Variants in LMO7 observed in about 807,000 individuals in gnomAD.
The protein encoded by LMO7 is LIM domain 7.
A neutral mutation model predicts 206.5 loss-of-function variants in LMO7; 120 were observed. That is an observed-to-expected ratio of 0.58 (90% CI 0.50 to 0.68). LMO7 has a LOEUF of 0.68. LMO7 is among the 30% of genes least tolerant of loss of function. The pLI, the probability that LMO7 is intolerant of heterozygous loss-of-function variation, is 0.00. For synonymous variants in LMO7, 706 were observed against 681.5 expected, an observed-to-expected ratio of 1.04 and a Z score of -0.56; for missense variants, 1,959 against 1,957.9, an observed-to-expected ratio of 1.00 and a Z score of -0.01.
At chr13:75,796,066 G>A (rs1347986230) in intron 5 of LMO7, among the ~76,000 whole-genome samples, 3 of 152,148 alleles carry the variant, frequency 2.0e-5, no homozygotes, top group South Asian at 2.1e-4. Flanking sequence ...TACGCTAAAG[G>A]CAAGTAAACA....
At chr13:75,692,011 AC>A (rs754659996) in intron 1 of LMO7, among the ~76,000 whole-genome samples, 6 of 152,014 alleles carry the variant, frequency 3.9e-5, no homozygotes, top group Non-Finnish European at 7.4e-5. Flanking sequence ...GGGAGGCTTC[AC>A]CTTTGCATTA....
In LMO7 at chr13:75,838,140, C is replaced by T; in HGVS notation, c.3395C>T (p.Ala1132Val). Residue 1132 changes from alanine to valine, a missense_variant and splice_region_variant, in exon 20 of 31, where the codon GCA becomes GTA. Coordinates refer to ENST00000377534, the MANE Select transcript of LMO7 (RefSeq NM_001306080.2). ...HDESNAFESK[A>V]SESISLKNLK... Reference sequence around the variant, plus strand: ...TAGTGTTTATTTTTTTTTCAACTAGCATCTGAATCCATTTCTTTGAAAAAC... The same window carrying T: ...TAGTGTTTATTTTTTTTTCAACTAGTATCTGAATCCATTTCTTTGAAAAAC... 3.8e-6 allele frequency: 6 copies of T among 1,561,574 alleles called. No individual in the cohort carries two copies. Among genetic ancestry groups the T allele is most frequent in the Non-Finnish European group, 5.3e-6 (6 of 1,133,572 alleles).
chr13:75,848,445 A>ATCTG (rs1566612272), intron 26 of LMO7, among the ~76,000 whole-genome samples: 1 of 151,730 alleles, frequency 6.6e-6, no homozygotes, highest in East Asian at 1.9e-4. Context: ...CTATCTATCT[A>ATCTG]TCTATCTATC....
intron 14 of LMO7, 107 bp downstream of exon 14, chr13:75,821,716 A>G: frequency 1.5e-6 from 1 of 666,856 alleles, no homozygotes; most frequent in Non-Finnish European, 2.6e-6. Context: ...TGTACATAAC[A>G]TATATAAGGA....
intron 15 of LMO7, among the ~76,000 whole-genome samples, chr13:75,825,584 T>G (rs957283652): frequency 3.9e-5 from 6 of 152,206 alleles, no homozygotes; most frequent in African/African-American, 1.4e-4. Flanking sequence ...CAAGAAAAAT[T>G]AGGCTTGATT....
At chr13:75,841,315 G>A (rs778220381) in intron 23 of LMO7, 114 bp downstream of exon 23, 2 of 686,004 alleles carry the variant, frequency 2.9e-6, no homozygotes, top group African/African-American at 1.8e-5. Flanking sequence ...GTTCACCTGT[G>A]TAGCTCTTTG....
chr13:75,763,850 C>A (rs140810474), intron 4 of LMO7, among the ~76,000 whole-genome samples: 275 of 152,230 alleles, frequency 1.8e-3, no homozygotes, highest in Non-Finnish European at 3.4e-3. Flanking sequence ...ATAGCAGAAG[C>A]AAGTAAAGAG....
intron 1 of LMO7, among the ~76,000 whole-genome samples, chr13:75,659,048 C>T (rs2038325997): frequency 2.8e-5 from 1 of 35,416 alleles, no homozygotes; most frequent in South Asian, 9.3e-4. Context: ...TTTCCTTCCA[C>T]TCATTATTTT....
intron 4 of LMO7, among the ~76,000 whole-genome samples, chr13:75,764,219 C>T (rs976190446): frequency 2.6e-5 from 4 of 150,944 alleles, no homozygotes; most frequent in African/African-American, 9.8e-5. Flanking sequence ...ATGATTTAGT[C>T]TCCATGAATG....
intron 1 of LMO7, among the ~76,000 whole-genome samples, chr13:75,674,207 A>G (rs2039829292): frequency 6.6e-6 from 1 of 152,232 alleles, no homozygotes; most frequent in Admixed American, 6.5e-5. Context: ...TTACATTTGT[A>G]CTCTTAAAGA....
chr13:75,708,246 G>T (rs1482147737), intron 1 of LMO7, among the ~76,000 whole-genome samples: 3 of 152,222 alleles, frequency 2.0e-5, no homozygotes, highest in African/African-American at 7.2e-5. Flanking sequence ...ACTTGCTTAA[G>T]ATCACACAGT....
intron 3 of LMO7, 128 bp from the exon 4 acceptor site, chr13:75,760,804 G>A (rs775830721): frequency 6.5e-7 from 1 of 1,547,388 alleles, no homozygotes; most frequent in Admixed American, 2.0e-5. Context: ...CATATGCATG[G>A]GTCTTGCTGC....
intron 20 of LMO7, among the ~76,000 whole-genome samples, chr13:75,839,386 G>T (rs1375226188): frequency 6.6e-6 from 1 of 151,990 alleles, no homozygotes; most frequent in Non-Finnish European, 1.5e-5. Context: ...TGACAGCTGA[G>T]GTTTCAAGAA....
At chr13:75,800,934 T>A in intron 7 of LMO7, 52 bp downstream of exon 7, 1 of 1,551,202 alleles carries the variant, frequency 6.4e-7, no homozygotes, top group East Asian at 2.2e-5. Flanking sequence ...AAGGGAGAAC[T>A]GGGAACAGGA....
chr13:75,846,014 G>A (rs1005078966), intron 26 of LMO7, among the ~76,000 whole-genome samples: 14 of 151,990 alleles, frequency 9.2e-5, no homozygotes, highest in African/African-American at 3.4e-4. Flanking sequence ...TGCCCATCAT[G>A]TTGGATAGCC....
chr13:75,702,752 T>C (rs1419402917), intron 1 of LMO7, among the ~76,000 whole-genome samples: 1 of 152,260 alleles, frequency 6.6e-6, no homozygotes, highest in African/African-American at 2.4e-5. Flanking sequence ...TTTATATTCC[T>C]AGTGCTGTGC....
At chr13:75,650,338 C>T (rs2139126196) in intron 1 of LMO7, among the ~76,000 whole-genome samples, 1 of 151,688 alleles carries the variant, frequency 6.6e-6, no homozygotes, top group Non-Finnish European at 1.5e-5. Context: ...CCATGTTGGC[C>T]AGGATGGTCT....
In LMO7 at chr13:75,840,415, C is replaced by T; in HGVS notation, c.3502C>T (p.Pro1168Ser). Residue 1168 changes from proline (P) to serine (S), a missense_variant, in exon 22 of 31, where the codon CCG becomes TCG. Pro to Ser is a moderately conservative substitution (Grantham distance 74, BLOSUM62 -1). Coordinates refer to ENST00000377534, the MANE Select transcript of LMO7 (RefSeq NM_001306080.2). ...PDLPVPTISA[P>S]SRWVWDQEEE... Reference sequence around the variant, plus strand: ...GCTTCCAGTTCCAACCATCAGTGCCCCGAGTCGCTGGGTGTGGGATCAAGA... The same window carrying T: ...GCTTCCAGTTCCAACCATCAGTGCCTCGAGTCGCTGGGTGTGGGATCAAGA... 1 of 1,613,978 alleles carries T rather than the reference C, an allele frequency of 6.2e-7. No individual in the cohort carries two copies. The highest frequency in any genetic ancestry group is 8.5e-7 in the Non-Finnish European group (1 of 1,179,956).
intron 1 of LMO7, among the ~76,000 whole-genome samples, chr13:75,667,421 C>T (rs561903537): frequency 1.0e-3 from 152 of 152,110 alleles, no homozygotes; most frequent in Non-Finnish European, 1.8e-3. Context: ...AATGTTTTCC[C>T]GTAGGTCCCT....
Sources: allele counts gnomAD v4.1 joint callset (sites outside exome capture counted in the v4.1 genomes callset), GRCh38; gene constraint gnomAD v4.1.1; transcripts MANE v1.5; gene names NCBI Gene and HGNC (gene_info 2026-07-23, HGNC 2026-07-21).